SGK3: variants seen among roughly 807,000 people sequenced by gnomAD.
The protein encoded by SGK3 is serum/glucocorticoid regulated kinase family member 3.
Under a neutral mutation model 68.5 loss-of-function variants are expected in SGK3, and 47 were observed. The ratio of observed to expected loss-of-function variants is 0.69; its 90% CI spans 0.54 to 0.87. SGK3 has a LOEUF of 0.87. Among genes scored for constraint, SGK3 ranks in the 40% least tolerant of loss-of-function variants. SGK3 has a pLI of 0.00. For missense variants in SGK3, 479 were observed against 575.5 expected (o/e 0.83, Z 1.72); for synonymous variants, 181 against 189.1 (o/e 0.96, Z 0.35).
chr8:66,854,174 C>G (rs936210806), intron 16 of SGK3, among the ~76,000 whole-genome samples: 2 of 152,158 alleles, frequency 1.3e-5, no homozygotes, highest in African/African-American at 4.8e-5. Context: ...AGGGTTTTGA[C>G]TCCCTTTTTG....
intron 16 of SGK3, among the ~76,000 whole-genome samples, chr8:66,854,337 T>C (rs772049202): frequency 6.6e-6 from 1 of 152,158 alleles, no homozygotes; most frequent in African/African-American, 2.4e-5. Context: ...CATTTCAAAT[T>C]AGAGGTTCCC....
chr8:66,843,394 A>G (rs1045357465), intron 13 of SGK3, 58 bp from the exon 14 acceptor site: 22 of 1,527,204 alleles, frequency 1.4e-5, no homozygotes, highest in Admixed American at 9.9e-5. Context: ...TCAATTATTT[A>G]TAAATTTTGT....
chr8:66,764,743 A>T (rs72652801), intron 1 of SGK3, among the ~76,000 whole-genome samples: 17,188 of 152,174 alleles, frequency 0.11, 1,130 homozygotes, highest in African/African-American at 0.19. Context: ...TCCCGTTTCT[A>T]TGGAGCTAAG....
intron 1 of SGK3, among the ~76,000 whole-genome samples, chr8:66,778,981 T>G (rs1806840178): frequency 6.6e-6 from 1 of 152,232 alleles, no homozygotes. Context: ...GTTTCTTTGC[T>G]TTGTTTCTAT....
chr8:66,835,382 T>C (rs1011932831), intron 8 of SGK3, among the ~76,000 whole-genome samples: 1 of 152,192 alleles, frequency 6.6e-6, no homozygotes, highest in African/African-American at 2.4e-5. Context: ...TACATTTTGA[T>C]TACCTAAAAA....
At position 66,843,434 on chromosome 8, in the gene SGK3, T is replaced by A; in HGVS notation, c.979-18T>A. On this transcript the variant is annotated intron_variant, in intron 13 of 16. Coordinates refer to ENST00000521198, the MANE Select transcript of SGK3 (RefSeq NM_001033578.3). Reference sequence around the variant, plus strand: ...ATTTGTTTACTGACTTGCTCTAATATTTTATTGTTTTCTATAGTATCTTGC... The same window carrying A: ...ATTTGTTTACTGACTTGCTCTAATAATTTATTGTTTTCTATAGTATCTTGC... 6.2e-7 allele frequency: 1 copy of A among 1,602,184 alleles called. No individual in the cohort carries two copies. The highest frequency in any genetic ancestry group is 8.5e-7 in the Non-Finnish European group (1 of 1,174,886).
chr8:66,759,995 C>A (rs1337826276), intron 1 of SGK3, among the ~76,000 whole-genome samples: 1 of 152,146 alleles, frequency 6.6e-6, no homozygotes, highest in Admixed American at 6.5e-5. Context: ...CAATCTACTA[C>A]AACCGCTTAC....
intron 1 of SGK3, among the ~76,000 whole-genome samples, chr8:66,723,211 T>C: frequency 7.3e-6 from 1 of 136,392 alleles, no homozygotes. Context: ...TTTGGGAGGC[T>C]GAGGCGGGTG....
intron 1 of SGK3, among the ~76,000 whole-genome samples, chr8:66,725,283 C>G (rs1272757458): frequency 6.6e-6 from 1 of 151,934 alleles, no homozygotes; most frequent in African/African-American, 2.4e-5. Context: ...CGCCTGTAAT[C>G]CCAGCTACTT....
At chr8:66,832,812 C>G (rs1809356390) in intron 8 of SGK3, among the ~76,000 whole-genome samples, 1 of 151,682 alleles carries the variant, frequency 6.6e-6, no homozygotes, top group South Asian at 2.1e-4. Context: ...TTGGTTCTTG[C>G]ATATAATGTG....
chr8:66,762,879 A>G (rs1460111151), intron 1 of SGK3, among the ~76,000 whole-genome samples: 1 of 152,234 alleles, frequency 6.6e-6, no homozygotes, highest in Non-Finnish European at 1.5e-5. Flanking sequence ...CAGTCCCTAT[A>G]AATTGGAAGT....
chr8:66,836,654 T>C (rs1809545708), intron 10 of SGK3, among the ~76,000 whole-genome samples: 1 of 151,824 alleles, frequency 6.6e-6, no homozygotes, highest in African/African-American at 2.4e-5. Flanking sequence ...AAAAAAGGCT[T>C]TATGATAAAG....
At chr8:66,815,884 A>G (rs1808553986) in intron 5 of SGK3, among the ~76,000 whole-genome samples, 1 of 152,258 alleles carries the variant, frequency 6.6e-6, no homozygotes, top group South Asian at 2.1e-4. Flanking sequence ...TGAAATACAC[A>G]GTTCTTGAGT....
chr8:66,768,100 TACTTAC>T (rs59732625), intron 1 of SGK3: 40,505 of 466,448 alleles, frequency 0.087, 3,634 homozygotes, highest in African/African-American at 0.32. Context: ...ACTTATAGAA[TACTTAC>T]ACTTATAGGA....
chr8:66,804,654 G>T (rs1008359266), intron 4 of SGK3, among the ~76,000 whole-genome samples: 1 of 152,178 alleles, frequency 6.6e-6, no homozygotes, highest in East Asian at 1.9e-4. Context: ...TGACAACTTC[G>T]TGAGGTGGGT....
rs1563660450 is a variant in SGK3 at position 66,850,811 on chromosome 8, A to G, written c.1231-20A>G. On this transcript the variant is annotated intron_variant, in intron 15 of 16. Coordinates refer to ENST00000521198, the MANE Select transcript of SGK3 (RefSeq NM_001033578.3). ...TATATTCTTCGGCATTAGTAAAACA[A>G]ATTTTTTTTAATATTCCAGCTTGAA... 6.3e-7 allele frequency: 1 copy of G among 1,580,088 alleles called. No homozygotes were observed. Among genetic ancestry groups the G allele is most frequent in the Non-Finnish European group, 8.6e-7 (1 of 1,161,006 alleles).
chr8:66,795,154 A>G (rs1807626064), intron 2 of SGK3, among the ~76,000 whole-genome samples: 1 of 152,212 alleles, frequency 6.6e-6, no homozygotes, highest in African/African-American at 2.4e-5. Context: ...AGTTGAGGAA[A>G]TCTCTCTGCC....
chr8:66,742,831 A>G (rs138219766), intron 1 of SGK3, among the ~76,000 whole-genome samples: 1 of 152,300 alleles, frequency 6.6e-6, no homozygotes, highest in African/African-American at 2.4e-5. Context: ...GGTCAAGTCT[A>G]TGACCTTTCA....
intron 12 of SGK3, 168 bp from the exon 13 acceptor site, chr8:66,840,856 C>T (rs537328335): frequency 7.4e-5 from 27 of 364,682 alleles, no homozygotes; most frequent in South Asian, 7.1e-4. Flanking sequence ...GCATGAGAAT[C>T]GCTTGAACCC....
Sources: gnomAD v4.1 joint callset for allele counts (sites outside exome capture counted in the v4.1 genomes callset) on GRCh38, gnomAD v4.1.1 for gene constraint, MANE v1.5 for transcripts, NCBI Gene and HGNC (gene_info 2026-07-23, HGNC 2026-07-21) for gene names.